Variants in FLNB observed in about 807,000 individuals in gnomAD.
FLNB encodes the protein filamin-B.
Under a neutral mutation model 250.6 loss-of-function variants are expected in FLNB, and 111 were observed. The ratio of observed to expected loss-of-function variants is 0.44; its 90% CI spans 0.38 to 0.52. The LOEUF (loss-of-function observed/expected upper bound fraction) is 0.52, where lower values mean the gene tolerates loss of function less well. Among genes scored for constraint, FLNB ranks in the 20% least tolerant of loss-of-function variants. The pLI, the probability that FLNB is intolerant of heterozygous loss-of-function variation, is 0.00. For missense variants in FLNB, 2,869 were observed against 3,447.8 expected, an observed-to-expected ratio of 0.83 and a Z score of 4.20; for synonymous variants, 1,302 against 1,372.1, an observed-to-expected ratio of 0.95 and a Z score of 1.13.
chr3:58,148,923 T>G, intron 36 of FLNB, 71 bp downstream of exon 36: 1 of 1,337,238 alleles, frequency 7.5e-7, no homozygotes, highest in Non-Finnish European at 1.1e-6. Context: ...CAGCGTCATC[T>G]TTTCATCCTA....
At position 58,121,441 on chromosome 3, in the gene FLNB, G is replaced by A. The variant is rs1057005655; in HGVS notation, c.3064G>A (p.Gly1022Arg). Residue 1022 changes from glycine (G) to arginine (R), a missense_variant, in exon 20 of 46, where the codon GGA becomes AGA. By Grantham distance (125) the Gly-to-Arg change is moderately radical. Coordinates refer to ENST00000295956, the MANE Select transcript of FLNB (RefSeq NM_001457.4). ...GLYAVDVTYD[G>R]HPVPGSPYTV... ...GTATGCTGTAGACGTGACCTACGAT[G>A]GACACCCTGTGCCCGGGAGCCCCTA... 69 of 1,613,982 alleles carry A rather than the reference G, an allele frequency of 4.3e-5. No individual in the cohort carries two copies. Among genetic ancestry groups the A allele is most frequent in the Non-Finnish European group, 5.3e-5 (62 of 1,180,028 alleles).
At chr3:58,141,210 G>A (rs1032005208) in intron 29 of FLNB, among the ~76,000 whole-genome samples, 5 of 152,150 alleles carry the variant, frequency 3.3e-5, no homozygotes, top group Non-Finnish European at 5.9e-5. Flanking sequence ...CTGAGATTGC[G>A]CCACTGCACT....
At chr3:58,031,306 G>C (rs1457104608) in intron 1 of FLNB, among the ~76,000 whole-genome samples, 1 of 151,938 alleles carries the variant, frequency 6.6e-6, no homozygotes, top group Non-Finnish European at 1.5e-5. Context: ...GCAGTGTTGC[G>C]ATCTCGGCTC....
intron 1 of FLNB, among the ~76,000 whole-genome samples, chr3:58,041,854 C>T (rs1187978881): frequency 1.3e-5 from 2 of 152,186 alleles, no homozygotes; most frequent in Non-Finnish European, 2.9e-5. Flanking sequence ...CTGTAGCCAG[C>T]TGGGTGGTCC....
At chr3:58,058,121 G>A (rs538196514) in intron 1 of FLNB, among the ~76,000 whole-genome samples, 4 of 152,238 alleles carry the variant, frequency 2.6e-5, no homozygotes, top group South Asian at 4.2e-4. Context: ...CTCAAGCTTC[G>A]TGGCTCATTG....
At chr3:58,102,167 T>C in intron 8 of FLNB, 36 bp from the exon 9 acceptor site, 1 of 1,613,756 alleles carries the variant, frequency 6.2e-7, no homozygotes, top group South Asian at 1.1e-5. Flanking sequence ...GACTAAAGAA[T>C]GAAAGATTGA....
intron 25 of FLNB, 63 bp downstream of exon 25, chr3:58,130,971 C>G (rs1559716797): frequency 1.1e-5 from 17 of 1,502,038 alleles, no homozygotes; most frequent in African/African-American, 1.4e-5. Context: ...AGCTGTAACC[C>G]AGAGCAGATG....
intron 4 of FLNB, among the ~76,000 whole-genome samples, chr3:58,084,085 G>A (rs574464206): frequency 1.2e-4 from 18 of 151,846 alleles, no homozygotes; most frequent in African/African-American, 3.1e-4. Context: ...CCAGCTACTC[G>A]GGAGGCTGAG....
At chr3:58,134,810 TAA>T in intron 27 of FLNB, 38 bp downstream of exon 27, 1 of 1,585,998 alleles carries the variant, frequency 6.3e-7, no homozygotes, top group South Asian at 1.1e-5. Flanking sequence ...ACCTTAATCC[TAA>T]GACTTAATTT....
rs974192495 is a variant in FLNB, at chr3:58,153,413, C to T, written c.6406C>T (p.Pro2136Ser). ...SSDMSAHVTS[P>S]SGRVTEAEIV... ...TGATATGTCGGCCCACGTCACCAGCCCCTCTGGCCGTGTGACTGAGGCAGA... is the reference window on the plus strand; with the variant it reads ...TGATATGTCGGCCCACGTCACCAGCTCCTCTGGCCGTGTGACTGAGGCAGA... Residue 2136 changes from proline to serine, a missense_variant, in exon 39 of 46, where the codon CCC becomes TCC. Coordinates refer to ENST00000295956, the MANE Select transcript of FLNB (RefSeq NM_001457.4). The T allele has an allele frequency of 2.5e-6, 4 of 1,614,250 alleles. No individual in the cohort carries two copies. The highest frequency in any genetic ancestry group is 1.7e-6 in the Non-Finnish European group (2 of 1,180,046).
rs751747906 is a variant in FLNB, at chr3:58,094,919, G to A, written c.871G>A (p.Val291Met). Residue 291 changes from valine (V) to methionine (M), a missense_variant, in exon 5 of 46, where the codon GTG becomes ATG. Physicochemically the swap from Val to Met is conservative, Grantham distance 21. Around this residue, in one of 5 missense-constraint regions of FLNB, gnomAD observed 308 missense variants for 466.1 expected, o/e 0.66. Transcript: ENST00000295956. ...CAGCGCCGGGCAAGGAGACGTGATG[G>A]TGTTTGTTGAGGACCCAGAAGGGAA... ...TISAGQGDVM[V>M]FVEDPEGNKE... 1.2e-6 allele frequency: 2 copies of A among 1,614,176 alleles called. No homozygotes were observed. Among genetic ancestry groups the A allele is most frequent in the Non-Finnish European group, 1.7e-6 (2 of 1,180,014 alleles).
chr3:58,086,246 C>A (rs2097217221), intron 4 of FLNB, among the ~76,000 whole-genome samples: 1 of 151,704 alleles, frequency 6.6e-6, no homozygotes, highest in Non-Finnish European at 1.5e-5. Flanking sequence ...AGCAATCCCC[C>A]TGCCTTGGCC....
At chr3:58,086,929 G>A (rs779606865) in intron 4 of FLNB, among the ~76,000 whole-genome samples, 2 of 152,254 alleles carry the variant, frequency 1.3e-5, no homozygotes, top group East Asian at 3.9e-4. Flanking sequence ...CCTGGCCAAC[G>A]TGGTGAAACC....
Position 58,105,362 on chromosome 3 carries a change from G to C in FLNB, c.1747+146G>C, listed in dbSNP as rs536423260. 19 of 992,724 alleles carry C rather than the reference G, an allele frequency of 1.9e-5. No individual in the cohort carries two copies. In the South Asian group the frequency reaches 2.3e-4, roughly 12 times the overall value. The allele number at this position is 992,724 out of a possible 1,614,324, so 61.5% of individuals were successfully genotyped here. On this transcript the variant is annotated intron_variant, in intron 11 of 45. Coordinates refer to ENST00000295956, the MANE Select transcript of FLNB (RefSeq NM_001457.4). ...TGGCCACCCTAAGCCATCTCTGCGT[G>C]CTGCTGTACATTTGCAGTTGCCTCT...
intron 1 of FLNB, among the ~76,000 whole-genome samples, chr3:58,036,359 G>A (rs1233196804): frequency 6.6e-6 from 1 of 152,192 alleles, no homozygotes; most frequent in Non-Finnish European, 1.5e-5. Flanking sequence ...CGAGCATTTG[G>A]GATCAGAGTT....
rs553723873 is a variant in FLNB, at chr3:58,171,060, A to G, written c.*298A>G. 39 of 363,646 alleles carry G rather than the reference A, an allele frequency of 1.1e-4. No homozygotes were observed. In the East Asian group the frequency reaches 2.1e-3, roughly 20 times the overall value. 22.5% of individuals were successfully genotyped at this position (363,646 alleles called of 1,614,324 possible). Reference sequence around the variant, plus strand: ...CTGCAGCAGACAGACCAGGAACACAATGAGACTGACATTTCAAAAAAACAA... The same window carrying G: ...CTGCAGCAGACAGACCAGGAACACAGTGAGACTGACATTTCAAAAAAACAA... On this transcript the variant is annotated 3_prime_UTR_variant, in exon 46 of 46. Transcript: ENST00000295956. This position sits in a 1 kb window ranked among gnomAD's most constrained non-coding sequence, Gnocchi z 5.5.
intron 1 of FLNB, among the ~76,000 whole-genome samples, chr3:58,041,385 G>A (rs1346792926): frequency 6.6e-6 from 1 of 152,188 alleles, no homozygotes; most frequent in Non-Finnish European, 1.5e-5. Flanking sequence ...GAGCGGCCCT[G>A]GTGTGCTGGG....
intron 28 of FLNB, among the ~76,000 whole-genome samples, chr3:58,137,409 A>G (rs1044878277): frequency 2.0e-5 from 3 of 152,116 alleles, no homozygotes; most frequent in Non-Finnish European, 4.4e-5. Flanking sequence ...TGCAGGCCCT[A>G]TTTCCTCCCC....
chr3:58,147,829 T>G (rs1285287056), intron 34 of FLNB, among the ~76,000 whole-genome samples: 1 of 152,140 alleles, frequency 6.6e-6, no homozygotes, highest in African/African-American at 2.4e-5. Flanking sequence ...CCAGCTTATT[T>G]TTGTATTTTT....
Sources: gnomAD v4.1 joint callset for allele counts (sites outside exome capture counted in the v4.1 genomes callset) on GRCh38, gnomAD v4.1.1 for gene constraint, gnomAD v4.1.1 regional missense constraint, Gnocchi (gnomAD v3.1) non-coding constraint, MANE v1.5 for transcripts, NCBI Gene and HGNC (gene_info 2026-07-23, HGNC 2026-07-21) for gene names.